The following NAALAD2 variants were observed in gnomAD, a reference collection of about 807,000 sequenced individuals.
NAALAD2 encodes N-acetylated-alpha-linked acidic dipeptidase 2.
Under a neutral mutation model 95.6 loss-of-function variants are expected in NAALAD2, and 89 were observed. The observed-to-expected ratio is 0.93, with a 90% CI of 0.78 to 1.11. The LOEUF is 1.11. NAALAD2 is among the 50% of genes least tolerant of loss of function. The pLI is 0.00. For missense variants in NAALAD2, 894 were observed against 872.4 expected (o/e 1.02, Z -0.31); for synonymous variants, 264 against 294.4 (o/e 0.90, Z 1.06).
Position 90,191,688 on chromosome 11 carries a change from ATTTCTATTGCAGC to A in NAALAD2, c.2168_2180del (p.Ser723LeufsTer10). 6.2e-7 allele frequency: 1 copy of A among 1,601,948 alleles called. No homozygotes were observed. Among genetic ancestry groups the A allele is most frequent in the Non-Finnish European group, 8.5e-7 (1 of 1,174,426 alleles). ...GGCCTGGAAAGAAGTAAAGAAACATATTTCTATTGCAGCTTTTACAATTCAAGCAGCAGCAGGA... is the reference window on the plus strand; with the variant it reads ...GGCCTGGAAAGAAGTAAAGAAACATATTTTACAATTCAAGCAGCAGCAGGA... On this transcript the variant is annotated frameshift_variant, in exon 19 of 19. Coordinates refer to ENST00000534061, the MANE Select transcript of NAALAD2 (RefSeq NM_005467.4). LOFTEE classifies it high-confidence loss of function.
chr11:90,154,590 T>C (rs1349965454), intron 6 of NAALAD2, among the ~76,000 whole-genome samples: 2 of 151,626 alleles, frequency 1.3e-5, no homozygotes, highest in African/African-American at 2.4e-5. Context: ...GTAGATTTAG[T>C]TTCTTGTAAT....
At chr11:90,183,051 C>A in intron 18 of NAALAD2, 43 bp downstream of exon 18, 1 of 1,429,872 alleles carries the variant, frequency 7.0e-7, no homozygotes, top group Non-Finnish European at 9.9e-7. Context: ...GTGACCAAAA[C>A]CAGCATACCT....
intron 16 of NAALAD2, 127 bp from the exon 17 acceptor site, chr11:90,181,493 A>C (rs1952966521): frequency 3.0e-6 from 2 of 656,992 alleles, no homozygotes; most frequent in Non-Finnish European, 2.7e-6. Flanking sequence ...ATGGATCTGC[A>C]AGAAGACTCA....
chr11:90,172,947 A>G (rs1591012104), intron 13 of NAALAD2, among the ~76,000 whole-genome samples: 3 of 149,916 alleles, frequency 2.0e-5, no homozygotes, highest in Non-Finnish European at 4.4e-5. Flanking sequence ...TAATGCTTTC[A>G]CAGTTACTTA....
At chr11:90,171,841 A>G (rs1050161555) in intron 13 of NAALAD2, among the ~76,000 whole-genome samples, 1 of 152,130 alleles carries the variant, frequency 6.6e-6, no homozygotes, top group Non-Finnish European at 1.5e-5. Context: ...GTGTTGCTAA[A>G]TAAGAGGAGG....
rs143779141 is a variant in NAALAD2 at position 90,151,414 on chromosome 11, C to T, written c.609+807C>T. ...ATTTATTTAACCATTCCGCTACTGA[C>T]GATGTTTGTCTCATCTTGAATTTGT... On this transcript the variant is annotated intron_variant, in intron 5 of 18. Coordinates refer to ENST00000534061, the MANE Select transcript of NAALAD2 (RefSeq NM_005467.4). Among the ~76,000 whole-genome samples, 43 of 152,202 alleles carry T rather than the reference C, an allele frequency of 2.8e-4. No individual in the cohort carries two copies. The East Asian group carries it at 6.7e-3, about 24-fold the overall frequency.
intron 13 of NAALAD2, among the ~76,000 whole-genome samples, chr11:90,173,252 T>TA (rs1565540348): frequency 6.6e-6 from 1 of 152,254 alleles, no homozygotes; most frequent in East Asian, 1.9e-4. Flanking sequence ...TAGAGTTTTT[T>TA]AAAAAATCCA....
At chr11:90,135,282 G>A in intron 1 of NAALAD2, 1 of 333,498 alleles carries the variant, frequency 3.0e-6, no homozygotes, top group Non-Finnish European at 5.4e-6. Context: ...AGAGATCCAG[G>A]GAAGAACAAC....
At chr11:90,155,290 A>G (rs1952032358) in intron 6 of NAALAD2, among the ~76,000 whole-genome samples, 1 of 122,948 alleles carries the variant, frequency 8.1e-6, no homozygotes, top group African/African-American at 3.1e-5. Context: ...ATATATGCAT[A>G]TATGTATATA....
intron 6 of NAALAD2, among the ~76,000 whole-genome samples, chr11:90,155,878 T>TATATGTAATATATATTATATATTATATA (rs1590981976): frequency 6.4e-5 from 9 of 141,424 alleles, no homozygotes; most frequent in South Asian, 2.1e-4. Context: ...ATATGTAATG[T>TATATGTAATATATATTATATATTATATA]ATATGTAATA....
intron 6 of NAALAD2, among the ~76,000 whole-genome samples, chr11:90,155,369 A>AATATTACATTATATATATTAT (rs1325449476): frequency 5.6e-5 from 5 of 89,778 alleles, no homozygotes; most frequent in Non-Finnish European, 9.4e-5. Flanking sequence ...TATAATATGT[A>AATATTACATTATATATATTAT]ATATTACATA....
rs1160828191 is a variant in NAALAD2, at chr11:90,155,080, G to GTA, written c.796+2604_796+2605dup. Reference sequence around the variant, plus strand: ...TACATATACATATGTATATATGTGTGTATATATATTATATACGTATACATA... The same window carrying GTA: ...TACATATACATATGTATATATGTGTGTATATATATATTATATACGTATACATA... On this transcript the variant is annotated intron_variant, in intron 6 of 18. Transcript: ENST00000534061. 1.4e-3 allele frequency among the ~76,000 whole-genome samples: 166 copies of GTA among 119,858 alleles called. 3 individuals are homozygous for GTA. The highest frequency in any genetic ancestry group is 6.1e-3 in the African/African-American group (160 of 26,184). 78.6% of individuals were successfully genotyped at this position (119,858 alleles called of 152,430 possible).
chr11:90,165,579 G>A (rs1952418274), intron 11 of NAALAD2, among the ~76,000 whole-genome samples: 1 of 152,142 alleles, frequency 6.6e-6, no homozygotes, highest in South Asian at 2.1e-4. Context: ...TACAGAGGGG[G>A]TAAAAATCCC....
rs547895216 is a variant in NAALAD2, at chr11:90,167,094, T to C, written c.1279-1835T>C. Among the ~76,000 whole-genome samples the C allele has an allele frequency of 2.6e-5, 4 of 152,314 alleles. No individual in the cohort carries two copies. The East Asian group carries it at 5.8e-4, about 22-fold the overall frequency. ...GCCTTGGCGCCCACTCTGGCCACGC[T>C]TGAGGAGCCCTTCAGCCCGCCGCTG... is the stretch of plus-strand genomic sequence containing the variant. On this transcript the variant is annotated intron_variant, in intron 11 of 18. Transcript: ENST00000534061.
At chr11:90,159,684 G>C (rs1457166054) in intron 8 of NAALAD2, among the ~76,000 whole-genome samples, 1 of 152,014 alleles carries the variant, frequency 6.6e-6, no homozygotes, top group Non-Finnish European at 1.5e-5. Flanking sequence ...GGGTGTGGTG[G>C]CTCACACCTG....
chr11:90,152,290 C>T lies in NAALAD2; in HGVS notation c.610-8C>T. On this transcript the variant is annotated splice_polypyrimidine_tract_variant and splice_region_variant and intron_variant, in intron 5 of 18. Transcript: ENST00000534061. ...ATCTGCATTATGAATTGCACATTGC[C>T]CCTGCAGGTTAAAAATGCCATGTTA... 1.3e-6 allele frequency: 2 copies of T among 1,582,114 alleles called. No homozygotes were observed. Among genetic ancestry groups the T allele is most frequent in the Non-Finnish European group, 1.7e-6 (2 of 1,156,440 alleles).
rs1292767884 is a variant in NAALAD2, at chr11:90,172,664, A to G, written c.1411-1160A>G. On this transcript the variant is annotated intron_variant, in intron 13 of 18. Coordinates refer to ENST00000534061, the MANE Select transcript of NAALAD2 (RefSeq NM_005467.4). ...CTGCTTATTATAATTTTGTATTACA[A>G]AATTTGTTTGGTGTGTGTATCCCCA... Among the ~76,000 whole-genome samples the G allele has an allele frequency of 4.6e-5, 7 of 152,090 alleles. No individual in the cohort carries two copies. In the East Asian group the frequency reaches 1.3e-3, roughly 29 times the overall value.
At chr11:90,161,614 A>C (rs893311463) in intron 8 of NAALAD2, among the ~76,000 whole-genome samples, 5 of 152,130 alleles carry the variant, frequency 3.3e-5, no homozygotes, top group African/African-American at 1.2e-4. Context: ...ATTCTTCTGG[A>C]GCTCAAAAAT....
chr11:90,143,232 C>G (rs923390805), intron 2 of NAALAD2, among the ~76,000 whole-genome samples: 7 of 152,072 alleles, frequency 4.6e-5, no homozygotes, highest in African/African-American at 1.7e-4. Context: ...TCTGTTGAGT[C>G]TGAATAACTT....
Sources: allele counts gnomAD v4.1 joint callset (sites outside exome capture counted in the v4.1 genomes callset), GRCh38; gene constraint gnomAD v4.1.1; transcripts MANE v1.5; gene names NCBI Gene and HGNC (gene_info 2026-07-23, HGNC 2026-07-21).